The following PTPRM variants were observed in gnomAD, a reference collection of about 807,000 sequenced individuals.
PTPRM encodes the protein receptor-type tyrosine-protein phosphatase mu.
Under a neutral mutation model 186.7 loss-of-function variants are expected in PTPRM, and 47 were observed. The ratio of observed to expected loss-of-function variants is 0.25; its 90% CI spans 0.20 to 0.32. The LOEUF (loss-of-function observed/expected upper bound fraction) is 0.32. PTPRM is among the 10% of genes least tolerant of loss of function. The pLI is 1.00. For missense variants in PTPRM, 1,494 were observed against 1,865.0 expected, an observed-to-expected ratio of 0.80 and a Z score of 3.66; for synonymous variants, 668 against 674.9, an observed-to-expected ratio of 0.99 and a Z score of 0.16.
At chr18:7,911,430 C>T (rs1221258312) in intron 4 of PTPRM, among the ~76,000 whole-genome samples, 7 of 152,130 alleles carry the variant, frequency 4.6e-5, no homozygotes, top group African/African-American at 2.4e-5. Flanking sequence ...CATAGCCATC[C>T]TTGTGGGTTT....
intron 19 of PTPRM, among the ~76,000 whole-genome samples, chr18:8,263,852 G>C (rs2094665253): frequency 6.6e-6 from 1 of 152,214 alleles, no homozygotes; most frequent in Non-Finnish European, 1.5e-5. Context: ...CTACGCACCT[G>C]TTCGTGTGGT....
At chr18:8,219,707 A>G (rs2094132989) in intron 14 of PTPRM, among the ~76,000 whole-genome samples, 4 of 152,138 alleles carry the variant, frequency 2.6e-5, no homozygotes, top group Admixed American at 2.6e-4. Flanking sequence ...AGATTCTTTA[A>G]TTTGCAATTG....
At chr18:8,145,309 C>T (rs1340037243) in intron 14 of PTPRM, among the ~76,000 whole-genome samples, 2 of 152,088 alleles carry the variant, frequency 1.3e-5, no homozygotes, top group Admixed American at 1.3e-4. Context: ...GAGAGTTCAG[C>T]TTTGCACATT....
chr18:8,157,653 G>C (rs2093149967), intron 14 of PTPRM, among the ~76,000 whole-genome samples: 3 of 152,172 alleles, frequency 2.0e-5, no homozygotes, highest in Admixed American at 2.0e-4. Flanking sequence ...TTATGCCCAG[G>C]CTCCTACTCA....
At chr18:8,147,662 C>G (rs2092916551) in intron 14 of PTPRM, among the ~76,000 whole-genome samples, 1 of 152,140 alleles carries the variant, frequency 6.6e-6, no homozygotes, top group South Asian at 2.1e-4. Context: ...ATTGCTCTGG[C>G]CAGAACTTCC....
intron 7 of PTPRM, among the ~76,000 whole-genome samples, chr18:8,030,185 C>G (rs2085871473): frequency 6.6e-6 from 1 of 152,218 alleles, no homozygotes; most frequent in African/African-American, 2.4e-5. Context: ...TCTTTATTCA[C>G]ATAGTCCATG....
rs142708965 is a variant in PTPRM, at chr18:7,631,961, T to TA, written c.73+64074dup. ...CTGTGCTGATTGTACTCATTCAAGT[T>TA]AAAATCACAGGGTGCAGATATATAA... On this transcript the variant is annotated intron_variant, in intron 1 of 32. Coordinates refer to ENST00000580170, the MANE Select transcript of PTPRM (RefSeq NM_001105244.2). Among the ~76,000 whole-genome samples the TA allele has an allele frequency of 9.5e-3, 1,443 of 152,344 alleles. 28 individuals carry two copies. Among genetic ancestry groups the TA allele is most frequent in the African/African-American group, 0.033 (1,354 of 41,566 alleles).
At chr18:8,403,598 G>A (rs747240397) in intron 32 of PTPRM, 1 of 152,108 alleles carries the variant, frequency 6.6e-6, no homozygotes. Flanking sequence ...CCCTTTTAAA[G>A]TGTGTCATTC....
At chr18:8,384,479 G>A (rs1008595085) in intron 29 of PTPRM, 82 bp from the exon 30 acceptor site, 17 of 1,485,552 alleles carry the variant, frequency 1.1e-5, no homozygotes, top group Admixed American at 1.0e-4. Flanking sequence ...GGATTACTGA[G>A]TGTCAATACT....
chr18:7,875,405 C>T (rs1163346638), intron 2 of PTPRM, among the ~76,000 whole-genome samples: 1 of 150,752 alleles, frequency 6.6e-6, no homozygotes, highest in Non-Finnish European at 1.5e-5. Context: ...CTCACTGCAA[C>T]CTCTGTCTCC....
chr18:7,763,537 T>C lies in PTPRM; in HGVS notation c.74-10612T>C, dbSNP rs540923847. Among the ~76,000 whole-genome samples, 4 of 152,332 alleles carry C rather than the reference T, an allele frequency of 2.6e-5. No individual in the cohort carries two copies. In the South Asian group the frequency reaches 8.3e-4, roughly 32 times the overall value. On this transcript the variant is annotated intron_variant, in intron 1 of 32. Coordinates refer to ENST00000580170, the MANE Select transcript of PTPRM (RefSeq NM_001105244.2). ...TGATCCAGGACTCTCTGTATCTCAG[T>C]TCTATGATCCCAATTAAATACACTC...
chr18:8,165,676 G>A (rs1421031992), intron 14 of PTPRM, among the ~76,000 whole-genome samples: 2 of 152,134 alleles, frequency 1.3e-5, no homozygotes, highest in East Asian at 1.9e-4. Context: ...GTGAAATATG[G>A]GTAGTGTCAG....
chr18:8,002,850 A>G (rs2083948473), intron 7 of PTPRM, among the ~76,000 whole-genome samples: 1 of 152,234 alleles, frequency 6.6e-6, no homozygotes, highest in East Asian at 1.9e-4. Context: ...TGGACAAGAA[A>G]TGCTGATACA....
chr18:8,177,467 C>T (rs367606991), intron 14 of PTPRM, among the ~76,000 whole-genome samples: 6 of 152,208 alleles, frequency 3.9e-5, no homozygotes, highest in South Asian at 2.1e-4. Context: ...CTGGTTACAG[C>T]AGTGTTTCCC....
chr18:7,626,785 G>A (rs2038072636), intron 1 of PTPRM, among the ~76,000 whole-genome samples: 1 of 152,140 alleles, frequency 6.6e-6, no homozygotes, highest in African/African-American at 2.4e-5. Context: ...GAACTCCAGG[G>A]CTCAAGTAAT....
intron 1 of PTPRM, among the ~76,000 whole-genome samples, chr18:7,722,313 T>A (rs555562106): frequency 6.6e-6 from 1 of 152,292 alleles, no homozygotes; most frequent in South Asian, 2.1e-4. Context: ...TCCTCTGTGT[T>A]TTTTGGTGGC....
At chr18:8,392,401 G>T (rs573229057) in intron 31 of PTPRM, among the ~76,000 whole-genome samples, 1 of 152,270 alleles carries the variant, frequency 6.6e-6, no homozygotes, top group South Asian at 2.1e-4. Context: ...GGGGCGGGCA[G>T]ATCACTAGGT....
At chr18:8,369,109 G>A (rs953285435) in intron 23 of PTPRM, among the ~76,000 whole-genome samples, 2 of 152,186 alleles carry the variant, frequency 1.3e-5, no homozygotes, top group African/African-American at 2.4e-5. Flanking sequence ...GGAATGGTGC[G>A]AGTAGGAGTT....
At chr18:7,572,769 T>G (rs2036594172) in intron 1 of PTPRM, among the ~76,000 whole-genome samples, 1 of 152,214 alleles carries the variant, frequency 6.6e-6, no homozygotes, top group African/African-American at 2.4e-5. Context: ...GCTTACTATC[T>G]TTATGAATAT....
Sources: allele counts gnomAD v4.1 joint callset (sites outside exome capture counted in the v4.1 genomes callset), GRCh38; gene constraint gnomAD v4.1.1; transcripts MANE v1.5; gene names NCBI Gene and HGNC (gene_info 2026-07-23, HGNC 2026-07-21).